The following SNCAIP variants were observed in gnomAD, a reference collection of about 807,000 sequenced individuals.
SNCAIP encodes the protein synphilin-1.
SNCAIP carries 43 observed loss-of-function variants against 86.7 expected under a neutral mutation model. The observed-to-expected ratio is 0.50, with a 90% CI of 0.39 to 0.64. SNCAIP has a LOEUF of 0.64. Among genes scored for constraint, SNCAIP ranks in the 30% least tolerant of loss-of-function variants. SNCAIP has a pLI of 0.00. For synonymous variants in SNCAIP, 417 were observed against 427.2 expected, an observed-to-expected ratio of 0.98 and a Z score of 0.29; for missense variants, 981 against 1,103.1, an observed-to-expected ratio of 0.89 and a Z score of 1.57.
At chr5:122,339,299 G>C (rs1757100464) in intron 1 of SNCAIP, among the ~76,000 whole-genome samples, 1 of 152,174 alleles carries the variant, frequency 6.6e-6, no homozygotes. Flanking sequence ...AAGTCAAAGA[G>C]AGACCGAAGT....
At chr5:122,324,111 T>C (rs1412043076) in intron 1 of SNCAIP, among the ~76,000 whole-genome samples, 1 of 152,124 alleles carries the variant, frequency 6.6e-6, no homozygotes, top group East Asian at 1.9e-4. Flanking sequence ...GGGAAAAATT[T>C]CTATTTGATC....
intron 8 of SNCAIP, among the ~76,000 whole-genome samples, chr5:122,446,237 A>G (rs79085801): frequency 0.2 from 30,228 of 152,220 alleles, 3,556 homozygotes; most frequent in South Asian, 0.32. Context: ...AAAGACATAC[A>G]TATTTAAAAT....
intron 6 of SNCAIP, among the ~76,000 whole-genome samples, chr5:122,434,593 G>A (rs775430101): frequency 6.6e-6 from 1 of 152,150 alleles, no homozygotes; most frequent in African/African-American, 2.4e-5. Context: ...ATTTCAAGAT[G>A]ATATGCATTT....
chr5:122,455,084 C>T (rs1784469364), intron 10 of SNCAIP, among the ~76,000 whole-genome samples: 1 of 152,152 alleles, frequency 6.6e-6, no homozygotes, highest in Non-Finnish European at 1.5e-5. Flanking sequence ...AAAATATTCA[C>T]TGTATTTAAA....
chr5:122,410,376 C>T (rs1773871177), intron 3 of SNCAIP, among the ~76,000 whole-genome samples: 1 of 152,208 alleles, frequency 6.6e-6, no homozygotes, highest in Non-Finnish European at 1.5e-5. Flanking sequence ...GCTGCCCCCT[C>T]TGTGGAAAAG....
chr5:122,410,126 AT>A (rs1342065990), intron 3 of SNCAIP, among the ~76,000 whole-genome samples: 1 of 152,206 alleles, frequency 6.6e-6, no homozygotes, highest in Non-Finnish European at 1.5e-5. Context: ...TAAAACAATT[AT>A]TTTTATTGTT....
intron 8 of SNCAIP, among the ~76,000 whole-genome samples, chr5:122,449,553 T>A (rs1783274224): frequency 6.6e-6 from 1 of 152,214 alleles, no homozygotes; most frequent in Admixed American, 6.5e-5. Context: ...CATATTATCA[T>A]TTTAATAGCT....
intron 2 of SNCAIP, chr5:122,401,148 T>TA: frequency 6.5e-7 from 1 of 1,546,434 alleles, no homozygotes; most frequent in Non-Finnish European, 8.7e-7. Context: ...AACTGACAGT[T>TA]ACTTATAAAA....
intron 1 of SNCAIP, among the ~76,000 whole-genome samples, chr5:122,376,032 G>A (rs1396598411): frequency 6.6e-6 from 1 of 152,114 alleles, no homozygotes; most frequent in East Asian, 1.9e-4. Context: ...GGGAACTTAT[G>A]ACAAATGCAA....
intron 1 of SNCAIP, among the ~76,000 whole-genome samples, chr5:122,326,187 T>C (rs931025763): frequency 4.6e-5 from 7 of 152,168 alleles, no homozygotes; most frequent in African/African-American, 1.7e-4. Flanking sequence ...TAGGAATGAA[T>C]TTCTTGTAGG....
chr5:122,401,257 A>G, intron 2 of SNCAIP: 1 of 909,200 alleles, frequency 1.1e-6, no homozygotes, highest in Admixed American at 3.5e-5. Context: ...GACTTCTTGG[A>G]TCATTTGCTC....
At chr5:122,330,427 C>A (rs1039131326) in intron 1 of SNCAIP, among the ~76,000 whole-genome samples, 103 of 152,224 alleles carry the variant, frequency 6.8e-4, no homozygotes, top group African/African-American at 2.4e-3. Flanking sequence ...GGCCTCATTT[C>A]TTAACAATAG....
At chr5:122,425,062 A>G (rs1478181875) in intron 4 of SNCAIP, among the ~76,000 whole-genome samples, 4 of 152,256 alleles carry the variant, frequency 2.6e-5, no homozygotes, top group Non-Finnish European at 5.9e-5. Context: ...GAACCTGACA[A>G]TTACTGTAAA....
At position 122,451,666 on chromosome 5, in the gene SNCAIP, C is replaced by T; in HGVS notation, c.2754+65C>T. ...ATGGATTATGTTGTTCCTAATATCA[C>T]AGATTGTGGGCCCACACTACCTTGA... On this transcript the variant is annotated intron_variant, in intron 10 of 10. Coordinates refer to ENST00000261368, the MANE Select transcript of SNCAIP (RefSeq NM_005460.4). 4 of 1,230,520 alleles carry T rather than the reference C, an allele frequency of 3.3e-6. 1 individual carries two copies. In the South Asian group the frequency reaches 5.0e-5, roughly 15 times the overall value. 76.2% of individuals were successfully genotyped at this position (1,230,520 alleles called of 1,614,324 possible). A position where few individuals can be genotyped will look rare whatever the true frequency, so the allele number is the denominator to read the frequency against.
At chr5:122,408,032 T>C (rs1773365702) in intron 3 of SNCAIP, among the ~76,000 whole-genome samples, 1 of 152,202 alleles carries the variant, frequency 6.6e-6, no homozygotes, top group Non-Finnish European at 1.5e-5. Context: ...CCACTAGGTG[T>C]GTGGAGACAG....
At chr5:122,393,646 G>C (rs748468421) in intron 2 of SNCAIP, among the ~76,000 whole-genome samples, 1 of 152,102 alleles carries the variant, frequency 6.6e-6, no homozygotes, top group African/African-American at 2.4e-5. Flanking sequence ...AGAGACCAGA[G>C]AGGCTTCTAA....
intron 10 of SNCAIP, chr5:122,453,034 T>C: frequency 7.6e-7 from 1 of 1,321,110 alleles, no homozygotes; most frequent in Non-Finnish European, 1.1e-6. Context: ...GGCATTGACA[T>C]GCTTTGCTTT....
intron 1 of SNCAIP, among the ~76,000 whole-genome samples, chr5:122,383,143 G>A (rs1284895647): frequency 3.3e-5 from 5 of 152,154 alleles, no homozygotes; most frequent in African/African-American, 7.2e-5. Flanking sequence ...CCCCAGCCTC[G>A]CTGCAGCCTT....
chr5:122,400,941 C>T (rs775523114), intron 2 of SNCAIP: 2 of 1,501,242 alleles, frequency 1.3e-6, no homozygotes, highest in Non-Finnish European at 1.8e-6. Flanking sequence ...AAATGTAATG[C>T]TTCTTCATTA....
Sources: allele counts gnomAD v4.1 joint callset (sites outside exome capture counted in the v4.1 genomes callset), GRCh38; gene constraint gnomAD v4.1.1; transcripts MANE v1.5; gene names NCBI Gene and HGNC (gene_info 2026-07-23, HGNC 2026-07-21).